Variants in EXOC3 observed in about 807,000 individuals in gnomAD.
The protein encoded by EXOC3 is exocyst complex component 3, also known as SEC6-like 1.
Under a neutral mutation model 73.7 loss-of-function variants are expected in EXOC3, and 21 were observed. The ratio of observed to expected loss-of-function variants is 0.29; its 90% confidence interval spans 0.20 to 0.41. The LOEUF is 0.41. Ranked by LOEUF, EXOC3 falls within the 10% of genes least tolerant of loss-of-function variation. The probability of loss-of-function intolerance (pLI) is 1.00; values close to 1 mark genes in which losing one functional copy is unlikely to be tolerated. For synonymous variants in EXOC3, 410 were observed against 389.1 expected (o/e 1.05, Z -0.63); for missense variants, 842 against 985.1 (o/e 0.85, Z 1.95).
At chr5:458,458 C>T (rs1737887631) in intron 6 of EXOC3, among the ~76,000 whole-genome samples, 1 of 152,190 alleles carries the variant, frequency 6.6e-6, no homozygotes, top group African/African-American at 2.4e-5. Flanking sequence ...GGCTGGAGTG[C>T]GGTAGCACAA....
At chr5:466,367 G>A in intron 12 of EXOC3, 1 of 270,132 alleles carries the variant, frequency 3.7e-6, no homozygotes, top group Non-Finnish European at 7.0e-6. Context: ...CAGGGCACCT[G>A]CCACTTCCCC....
intron 1 of EXOC3, among the ~76,000 whole-genome samples, chr5:443,645 GTGTCCCTCCTTGGGGCAGA>G (rs1737410567): frequency 6.6e-6 from 1 of 151,510 alleles, no homozygotes; most frequent in Non-Finnish European, 1.5e-5. Context: ...CTCGGAGCAG[GTGTCCCTCCTTGGGGCAGA>G]TGTCCCTCCA....
At chr5:466,009 C>T in intron 12 of EXOC3, 164 bp downstream of exon 12, 1 of 688,284 alleles carries the variant, frequency 1.5e-6, no homozygotes, top group Non-Finnish European at 2.3e-6. Flanking sequence ...GGGAGCAGAG[C>T]TGCTTCTGTG....
chr5:449,656 A>G (rs530962136), intron 3 of EXOC3, among the ~76,000 whole-genome samples: 1 of 152,316 alleles, frequency 6.6e-6, no homozygotes, highest in African/African-American at 2.4e-5. Context: ...ATAATATTCC[A>G]TTGTATGGAT....
In EXOC3 at chr5:446,491, C is replaced by T. The variant is rs1737513043; in HGVS notation, c.144+142C>T. On this transcript the variant is annotated intron_variant, in intron 2 of 12. Coordinates refer to ENST00000512944, the MANE Select transcript of EXOC3 (RefSeq NM_007277.5). ...GACTTTCTTGAGCAGTTACTTTCAG[C>T]AGTGTATTACCACTCAGTAGCTTTG... is the stretch of plus-strand genomic sequence containing the variant. 4.1e-6 allele frequency: 3 copies of T among 734,148 alleles called. No individual in the cohort carries two copies. In the Admixed American group the frequency reaches 8.9e-5, roughly 22 times the overall value. The allele number at this position is 734,148 out of a possible 1,614,324, so 45.5% of individuals were successfully genotyped here. A position where few individuals can be genotyped will look rare whatever the true frequency, so the allele number is the denominator to read the frequency against.
In EXOC3 at chr5:462,047, C is replaced by A. The variant is rs778178495; in HGVS notation, c.1479C>A (p.Ile493=). The A allele has an allele frequency of 2.5e-6, 4 of 1,610,256 alleles. No individual in the cohort carries two copies. In the South Asian group the frequency reaches 4.4e-5, roughly 18 times the overall value. The change falls in exon 8 of 13, where the codon ATC becomes ATA. Residue 493 remains isoleucine (I), a synonymous_variant. Transcript: ENST00000512944. ...GCTACGTTCAGTACATGATCGCCAT[C>A]ATCAACAACTGCCAGACCTTCAAGT... The part of the protein sequence containing the change: ...PHCYVQYMIA[I]INNCQTFKES...
intron 3 of EXOC3, among the ~76,000 whole-genome samples, chr5:450,635 C>T (rs568597597): frequency 6.6e-6 from 1 of 152,132 alleles, no homozygotes; most frequent in African/African-American, 2.4e-5. Context: ...ATATTGAAGC[C>T]TCCGACTATT....
chr5:456,445 G>A (rs1335733389), intron 4 of EXOC3, among the ~76,000 whole-genome samples: 2 of 152,012 alleles, frequency 1.3e-5, no homozygotes, highest in Non-Finnish European at 2.9e-5. Context: ...TTTATTCAGC[G>A]CCTCCTGTTT....
rs747274029 is a variant in EXOC3 at position 453,624 on chromosome 5, A to T, written c.619A>T (p.Thr207Ser). 1.2e-6 allele frequency: 2 copies of T among 1,613,854 alleles called. No homozygotes were observed. Among genetic ancestry groups the T allele is most frequent in the Non-Finnish European group, 1.7e-6 (2 of 1,179,862 alleles). Reference sequence around the variant, plus strand: ...ACTGGTCACTGTCCGCCGTGACCCCACCTTGCTGGTCTCAGTTGTCAGGAT... The same window carrying T: ...ACTGGTCACTGTCCGCCGTGACCCCTCCTTGCTGGTCTCAGTTGTCAGGAT... ...RSLVTVRRDP[T>S]LLVSVVRIIE... Residue 207 changes from threonine (T) to serine (S), a missense_variant, in exon 4 of 13, where the codon ACC (threonine) becomes TCC (serine). By Grantham distance (58) the Thr-to-Ser change is moderately conservative. Coordinates refer to ENST00000512944, the MANE Select transcript of EXOC3 (RefSeq NM_007277.5).
Position 446,358 on chromosome 5 carries a change from A to G in EXOC3, c.144+9A>G, listed in dbSNP as rs780449578. The G allele has an allele frequency of 3.8e-6, 6 of 1,585,700 alleles. 1 individual carries two copies. In the South Asian group the frequency reaches 6.9e-5, roughly 18 times the overall value. On this transcript the variant is annotated intron_variant, in intron 2 of 12. Coordinates refer to ENST00000512944, the MANE Select transcript of EXOC3 (RefSeq NM_007277.5). ...TGGAGGCCAGATTGAAGGTGAGGCC[A>G]CCTGCCCCACTCCCAGGATCTGTCT...
intron 1 of EXOC3, among the ~76,000 whole-genome samples, chr5:444,695 G>A (rs72717432): frequency 0.26 from 40,219 of 151,892 alleles, 6,907 homozygotes; most frequent in Non-Finnish European, 0.39. Flanking sequence ...CCTGAGTGTC[G>A]GGATTTAAGG....
At chr5:454,372 C>T (rs1737742835) in intron 4 of EXOC3, among the ~76,000 whole-genome samples, 1 of 152,220 alleles carries the variant, frequency 6.6e-6, no homozygotes, top group Non-Finnish European at 1.5e-5. Context: ...GCAGTGACAC[C>T]CTGAGGCAGG....
chr5:446,803 G>T (rs1331617811), intron 2 of EXOC3, among the ~76,000 whole-genome samples: 1 of 152,126 alleles, frequency 6.6e-6, no homozygotes, highest in African/African-American at 2.4e-5. Flanking sequence ...GTTGCGGTGA[G>T]CCGAGATGGT....
In EXOC3 at chr5:446,209, A is replaced by G; in HGVS notation, c.4A>G (p.Lys2Glu). The change falls in exon 2 of 13, where the codon AAG becomes GAG. Residue 2 changes from lysine to glutamate, a missense_variant. Transcript: ENST00000512944. The stretch of plus-strand genomic sequence containing the variant: ...GGATTCCACCAGCTTTTTCACCATG[A>G]AGGAGACAGACCGGGAGGCCGTTGC... MKETDREAVATA... is the reference protein window; with the variant it reads MEETDREAVATA... 1 of 1,613,940 alleles carries G rather than the reference A, an allele frequency of 6.2e-7. No individual in the cohort carries two copies. The highest frequency in any genetic ancestry group is 8.5e-7 in the Non-Finnish European group (1 of 1,179,838).
chr5:451,927 A>G (rs1278982922), intron 3 of EXOC3, among the ~76,000 whole-genome samples: 1 of 152,172 alleles, frequency 6.6e-6, no homozygotes, highest in Admixed American at 6.5e-5. Context: ...ATCTGCTCAT[A>G]ATCTTATTTT....
At chr5:450,626 T>C (rs1418508802) in intron 3 of EXOC3, among the ~76,000 whole-genome samples, 1 of 152,216 alleles carries the variant, frequency 6.6e-6, no homozygotes, top group Non-Finnish European at 1.5e-5. Flanking sequence ...GAGAGAGAGA[T>C]ATTGAAGCCT....
chr5:455,328 G>A (rs1182209610), intron 4 of EXOC3, among the ~76,000 whole-genome samples: 1 of 152,212 alleles, frequency 6.6e-6, no homozygotes, highest in Non-Finnish European at 1.5e-5. Flanking sequence ...GTCTTTCCAC[G>A]TTGTGAGTGT....
chr5:447,284 G>C, intron 2 of EXOC3: 1 of 447,080 alleles, frequency 2.2e-6, no homozygotes, highest in Non-Finnish European at 4.0e-6. Context: ...TAGATGAGGA[G>C]TGTCCTGACC....
At chr5:449,739 T>C (rs1737602331) in intron 3 of EXOC3, among the ~76,000 whole-genome samples, 2 of 152,270 alleles carry the variant, frequency 1.3e-5, no homozygotes, top group Admixed American at 1.3e-4. Flanking sequence ...CTATTGTGAA[T>C]AATGCTGTAG....
Sources: allele counts gnomAD v4.1 joint callset (sites outside exome capture counted in the v4.1 genomes callset), GRCh38; gene constraint gnomAD v4.1.1; transcripts MANE v1.5; gene names NCBI Gene and HGNC (gene_info 2026-07-23, HGNC 2026-07-21).